The following MBNL2 variants were observed in gnomAD, a reference collection of about 807,000 sequenced individuals.
The protein encoded by MBNL2 is muscleblind like splicing regulator 2, also known as muscleblind-like protein 2.
Under a neutral mutation model 41.9 loss-of-function variants are expected in MBNL2, and 17 were observed. The ratio of observed to expected loss-of-function variants is 0.41; its 90% CI spans 0.28 to 0.61. MBNL2 has a LOEUF of 0.61. Among genes scored for constraint, MBNL2 ranks in the 20% least tolerant of loss-of-function variants. The pLI is 0.35. For synonymous variants in MBNL2, 195 were observed against 182.9 expected, an observed-to-expected ratio of 1.07 and a Z score of -0.53; for missense variants, 336 against 505.6, an observed-to-expected ratio of 0.66 and a Z score of 3.22.
chr13:97,254,599 G>T (rs2047173772), intron 1 of MBNL2, among the ~76,000 whole-genome samples: 1 of 151,924 alleles, frequency 6.6e-6, no homozygotes, highest in African/African-American at 2.4e-5. Context: ...GACTTCTTTT[G>T]ACCCTAAACC....
intron 2 of MBNL2, among the ~76,000 whole-genome samples, chr13:97,299,024 GT>G (rs2057345314): frequency 6.6e-6 from 1 of 152,150 alleles, no homozygotes; most frequent in Admixed American, 6.5e-5. Context: ...TACTTGGCTG[GT>G]TTGGGAAGAA....
At chr13:97,250,464 T>C (rs1420926651) in intron 1 of MBNL2, among the ~76,000 whole-genome samples, 2 of 152,202 alleles carry the variant, frequency 1.3e-5, no homozygotes, top group African/African-American at 4.8e-5. Context: ...ATAAGTTCTT[T>C]AACAGGCATT....
At chr13:97,347,480 C>T (rs1334665118) in intron 5 of MBNL2, among the ~76,000 whole-genome samples, 2 of 152,194 alleles carry the variant, frequency 1.3e-5, no homozygotes, top group South Asian at 2.1e-4. Context: ...TTGGAGCAGC[C>T]ACGGAGGACA....
In MBNL2 at chr13:97,272,826, C is replaced by A. The variant is rs1409310239; in HGVS notation, c.-604-2806C>A. On this transcript the variant is annotated intron_variant, in intron 1 of 8. Coordinates refer to ENST00000679496, the MANE Select transcript of MBNL2 (RefSeq NM_001382683.1). ...TATAATAATCCTATACAGTTTTTGT[C>A]AATTCAAATAAATACTTAATTTTAA... Among the ~76,000 whole-genome samples, 4 of 152,138 alleles carry A rather than the reference C, an allele frequency of 2.6e-5. 1 individual carries two copies. Among genetic ancestry groups the A allele is most frequent in the Non-Finnish European group, 5.9e-5 (4 of 68,028 alleles).
chr13:97,237,936 C>T (rs1316178519), intron 1 of MBNL2, among the ~76,000 whole-genome samples: 2 of 152,040 alleles, frequency 1.3e-5, no homozygotes. Context: ...TGTGCTGAGG[C>T]CAGGAGCAAC....
chr13:97,190,348 C>T, the MBNL2 span, among the ~76,000 whole-genome samples: 1 of 152,222 alleles, frequency 6.6e-6, no homozygotes, highest in African/African-American at 2.4e-5. Flanking sequence ...TGGCACACCA[C>T]AGTTTGTTTG....
chr13:97,257,280 C>T (rs1301513557), intron 1 of MBNL2, among the ~76,000 whole-genome samples: 8 of 151,988 alleles, frequency 5.3e-5, no homozygotes, highest in Non-Finnish European at 7.4e-5. Context: ...GCAATTGAAG[C>T]CTGCACGTAG....
At chr13:97,374,920 A>C (rs1305098591) in intron 8 of MBNL2, among the ~76,000 whole-genome samples, 1 of 152,150 alleles carries the variant, frequency 6.6e-6, no homozygotes, top group African/African-American at 2.4e-5. Flanking sequence ...ATTCAGGTCC[A>C]TTTTCAAGGG....
intron 8 of MBNL2, 151 bp from the exon 9 acceptor site, chr13:97,391,171 G>A (rs571638857): frequency 3.4e-6 from 2 of 586,872 alleles, no homozygotes; most frequent in Admixed American, 3.1e-5. Flanking sequence ...ATGAAGGGCG[G>A]GTATTGTGCA....
chr13:97,277,324 G>T (rs1281192911), intron 2 of MBNL2, among the ~76,000 whole-genome samples: 1 of 152,148 alleles, frequency 6.6e-6, no homozygotes, highest in East Asian at 1.9e-4. Flanking sequence ...TTGTTTTCAG[G>T]AGCAATAAGT....
chr13:97,179,437 CT>C, the MBNL2 span: 1 of 152,256 alleles, frequency 6.6e-6, no homozygotes, highest in Non-Finnish European at 1.5e-5. Flanking sequence ...CAGAAAACAA[CT>C]GTTAGGCCAC....
chr13:97,239,240 C>T (rs1216511916), intron 1 of MBNL2, among the ~76,000 whole-genome samples: 2 of 152,190 alleles, frequency 1.3e-5, no homozygotes, highest in Non-Finnish European at 2.9e-5. Context: ...ATTCATGTGC[C>T]TAGATAACTC....
intron 8 of MBNL2, among the ~76,000 whole-genome samples, chr13:97,381,526 T>G (rs953787339): frequency 3.3e-5 from 5 of 151,916 alleles, no homozygotes; most frequent in African/African-American, 1.2e-4. Flanking sequence ...CTGTGATTTT[T>G]CTTGACCTGA....
chr13:97,379,635 A>T lies in MBNL2; in HGVS notation c.1049-11687A>T, dbSNP rs755829894. ...AATGATGATTCAGATGTACAAGCAG[A>T]AAGAGCCAGGGGTCTCACTGCGAAG... On this transcript the variant is annotated intron_variant, in intron 8 of 8. Transcript: ENST00000679496. 2.8e-5 allele frequency among the ~76,000 whole-genome samples: 4 copies of T among 144,484 alleles called. No homozygotes were observed. The South Asian group carries it at 9.9e-4, about 36-fold the overall frequency. The allele number at this position is 144,484 out of a possible 152,430, so 94.8% of individuals were successfully genotyped here.
At chr13:97,274,056 C>T (rs1169101656) in intron 1 of MBNL2, among the ~76,000 whole-genome samples, 1 of 151,100 alleles carries the variant, frequency 6.6e-6, no homozygotes, top group African/African-American at 2.4e-5. Flanking sequence ...AGTGAAACTC[C>T]GTCTCAAAAA....
rs986544157 is a variant in MBNL2 at position 97,334,561 on chromosome 13, C to A, written c.339+121C>A. The A allele has an allele frequency of 1.7e-6, 1 of 592,318 alleles. No homozygotes were observed. Among genetic ancestry groups the A allele is most frequent in the Non-Finnish European group, 2.8e-6 (1 of 355,562 alleles). 36.7% of individuals were successfully genotyped at this position (592,318 alleles called of 1,614,324 possible). On this transcript the variant is annotated intron_variant, in intron 3 of 8. Transcript: ENST00000679496. This position sits in a 1 kb window ranked among gnomAD's most constrained non-coding sequence, Gnocchi z 5.3. ...CTTTGGTTACAATTAAAGCAAATAG[C>A]TTTAAAGCTCAATAGATGAAGGAAA...
chr13:97,263,525 T>TG (rs888646612), intron 1 of MBNL2, among the ~76,000 whole-genome samples: 3 of 152,162 alleles, frequency 2.0e-5, no homozygotes, highest in Non-Finnish European at 4.4e-5. Context: ...TCCAAATGCC[T>TG]GGGGGGCATC....
At chr13:97,156,535 C>T in the MBNL2 span, among the ~76,000 whole-genome samples, 20 of 135,018 alleles carry the variant, frequency 1.5e-4, no homozygotes, top group Middle Eastern at 3.5e-3. Flanking sequence ...TTAGGTCTAA[C>T]GTTTAAGTCT....
rs997543986 is a variant in MBNL2, at chr13:97,347,668, G to GA, written c.804+608dup. On this transcript the variant is annotated intron_variant, in intron 5 of 8. Coordinates refer to ENST00000679496, the MANE Select transcript of MBNL2 (RefSeq NM_001382683.1). ...GGAGCCATCCTGGCTGGTGCAGAAA[G>GA]AAAAAAAGACCTGTGACCTAGGCTT... Among the ~76,000 whole-genome samples the GA allele has an allele frequency of 4.6e-5, 7 of 152,194 alleles. No homozygotes were observed. The South Asian group carries it at 1.2e-3, about 27-fold the overall frequency.
Sources: allele counts gnomAD v4.1 joint callset (sites outside exome capture counted in the v4.1 genomes callset), GRCh38; gene constraint gnomAD v4.1.1; non-coding constraint Gnocchi (gnomAD v3.1); transcripts MANE v1.5; gene names NCBI Gene and HGNC (gene_info 2026-07-23, HGNC 2026-07-21).